Variants in TAP2 observed in about 807,000 individuals in gnomAD.
TAP2 encodes antigen peptide transporter 2.
Under a neutral mutation model 74.7 loss-of-function variants are expected in TAP2, and 49 were observed. The observed-to-expected ratio is 0.66, with a 90% confidence interval of 0.52 to 0.83. The LOEUF is 0.83. Ranked by LOEUF, TAP2 falls within the 40% of genes least tolerant of loss-of-function variation. The pLI is 0.00. For missense variants in TAP2, 739 were observed against 859.0 expected (o/e 0.86, Z 1.75); for synonymous variants, 306 against 368.4 (o/e 0.83, Z 1.94).
intron 11 of TAP2, 46 bp from the exon 12 acceptor site, chr6:32,829,080 A>C (rs1562323659): frequency 6.6e-7 from 1 of 1,526,582 alleles, no homozygotes; most frequent in Admixed American, 2.0e-5. Context: ...AATGAGATGG[A>C]CACCACATCC....
intron 9 of TAP2, 29 bp downstream of exon 9, chr6:32,830,238 T>C: frequency 1.2e-6 from 2 of 1,612,934 alleles, no homozygotes; most frequent in Non-Finnish European, 1.7e-6. Context: ...TCCCCTCTCC[T>C]GTCCCCTGTC....
At chr6:32,822,680 G>A (rs1265127689), downstream of TAP2, among the ~76,000 whole-genome samples, 1 of 151,698 alleles carries the variant, frequency 6.6e-6, no homozygotes, top group East Asian at 1.9e-4. Context: ...CCACAGGCAC[G>A]AGCCACCACA....
chr6:32,832,786 C>T lies in TAP2; in HGVS notation c.984G>A (p.Ala328=), dbSNP rs779202764. Residue 328 remains alanine (A), a synonymous_variant, in exon 6 of 12, where the codon GCG becomes GCA. Transcript: ENST00000374897. The surrounding 1 kb of genome is among the most constrained non-coding windows in gnomAD (Gnocchi z 5.9). ...CAACGGCTTCCCGCACCACCTGCCC[C>T]GCCCTGGCCACTGCATCCTGGATCT... ...LREIQDAVAR[A]GQVVREAVGG... 1.3e-5 allele frequency: 21 copies of T among 1,612,868 alleles called. 1 individual carries two copies. In the South Asian group the frequency reaches 1.4e-4, roughly 11 times the overall value.
chr6:32,826,064 T>A lies in TAP2; in HGVS notation c.*2842A>T. On this transcript the variant is annotated 3_prime_UTR_variant, in exon 12 of 12. Transcript: ENST00000374897. ...TTTCTTCTGGGACCATTAGATGGCATCAGACTCAAGCAGGTGCTCCTCTAG... is the reference window on the plus strand; with the variant it reads ...TTTCTTCTGGGACCATTAGATGGCAACAGACTCAAGCAGGTGCTCCTCTAG... The A allele has an allele frequency of 1.0e-6, 1 of 985,438 alleles. No individual in the cohort carries two copies. Among genetic ancestry groups the A allele is most frequent in the African/African-American group, 1.7e-5 (1 of 57,348 alleles). 61.0% of individuals were successfully genotyped at this position (985,438 alleles called of 1,614,324 possible). A position where few individuals can be genotyped will look rare whatever the true frequency, so the allele number is the denominator to read the frequency against.
intron 5 of TAP2, among the ~76,000 whole-genome samples, chr6:32,833,761 C>T (rs1429537926): frequency 6.6e-6 from 1 of 152,182 alleles, no homozygotes; most frequent in African/African-American, 2.4e-5. Context: ...TGTCCCTACC[C>T]ATATCTGATC....
rs140734629 is a variant in TAP2 at position 32,827,346 on chromosome 6, C to CTTTT, written c.*1559_*1560insAAAA. 2,307 of 984,550 alleles carry CTTTT rather than the reference C, an allele frequency of 2.3e-3. 22 individuals carry two copies. The African/African-American group carries it at 0.032, about 14-fold the overall frequency. The allele number at this position is 984,550 out of a possible 1,614,324, so 61.0% of individuals were successfully genotyped here. A position where few individuals can be genotyped will look rare whatever the true frequency, so the allele number is the denominator to read the frequency against. ...GATATTTATTCATTTATTCAATTGA[C>CTTTT]TATTTATTCTCCACTATGAATTAGG... On this transcript the variant is annotated 3_prime_UTR_variant, in exon 12 of 12. Transcript: ENST00000374897.
intron 5 of TAP2, among the ~76,000 whole-genome samples, chr6:32,833,085 T>G (rs1049026023): frequency 6.6e-6 from 1 of 152,136 alleles, no homozygotes; most frequent in Non-Finnish European, 1.5e-5. Flanking sequence ...CCATCCCCAG[T>G]GTCTGAATCA....
intron 1 of TAP2, 146 bp from the exon 2 acceptor site, chr6:32,838,383 G>T: frequency 8.6e-7 from 1 of 1,160,154 alleles, no homozygotes; most frequent in South Asian, 2.1e-5. Flanking sequence ...AGTAACCGGT[G>T]CTCATCCGTA....
chr6:32,836,524 T>C (rs150328964), intron 3 of TAP2, among the ~76,000 whole-genome samples: 276 of 152,354 alleles, frequency 1.8e-3, no homozygotes, highest in Middle Eastern at 0.014. Context: ...GGTTTCATCG[T>C]TGTATGAACA....
chr6:32,836,034 G>C (rs1226128809), intron 3 of TAP2, among the ~76,000 whole-genome samples: 1 of 152,162 alleles, frequency 6.6e-6, no homozygotes, highest in Non-Finnish European at 1.5e-5. Context: ...AGTATTTATG[G>C]AGTGCACTCT....
downstream of TAP2, among the ~76,000 whole-genome samples, chr6:32,822,917 CTTTT>C (rs3041453): frequency 5.5e-5 from 6 of 109,984 alleles, no homozygotes; most frequent in Admixed American, 2.0e-4. Context: ...TGTGTTCATA[CTTTT>C]TTTTTTTTTT....
chr6:32,837,885 C>T lies in TAP2; in HGVS notation c.349G>A (p.Ala117Thr), dbSNP rs139588238. 1.9e-6 allele frequency: 3 copies of T among 1,612,998 alleles called. No homozygotes were observed. In the African/African-American group the frequency reaches 4.0e-5, roughly 22 times the overall value. Residue 117 changes from alanine (A) to threonine (T), a missense_variant, in exon 2 of 12, where the codon GCT (alanine) becomes ACT (threonine). By Grantham distance (58) the Ala-to-Thr change is moderately conservative (BLOSUM62 0). Coordinates refer to ENST00000374897, the MANE Select transcript of TAP2 (RefSeq NM_001290043.2). ...GAAGLSWSLW[A>T]VLSPPGAQEK... ...TGGGCTCCAGGAGGGCTCAGAACAG[C>T]CCACAGTGACCAGCTGAGCCCCGCA... is the stretch of plus-strand genomic sequence containing the variant.
chr6:32,831,245 A>G (rs1320178900), intron 7 of TAP2, among the ~76,000 whole-genome samples: 3 of 152,250 alleles, frequency 2.0e-5, no homozygotes, highest in African/African-American at 7.2e-5. Flanking sequence ...TGGATGAAGT[A>G]GCTGTTTTTG....
Position 32,828,824 on chromosome 6 carries a change from CCT to C in TAP2, c.*80_*81del. ...AACAGCTCTGGGTCCTGGAGACGCC[CCT>C]GAGAAGAGGGCCCAGTATCCCTGGG... is the stretch of plus-strand genomic sequence containing the variant. On this transcript the variant is annotated 3_prime_UTR_variant, in exon 12 of 12. Transcript: ENST00000374897. 2 of 1,497,276 alleles carry C rather than the reference CCT, an allele frequency of 1.3e-6. No homozygotes were observed. Among genetic ancestry groups the C allele is most frequent in the Non-Finnish European group, 1.8e-6 (2 of 1,117,118 alleles). 92.7% of individuals were successfully genotyped at this position (1,497,276 alleles called of 1,614,324 possible).
Position 32,835,694 on chromosome 6 carries a change from A to G in TAP2, c.688T>C (p.Phe230Leu). 1 of 1,613,100 alleles carries G rather than the reference A, an allele frequency of 6.2e-7. No individual in the cohort carries two copies. Among genetic ancestry groups the G allele is most frequent in the Non-Finnish European group, 8.5e-7 (1 of 1,180,028 alleles). Residue 230 changes from phenylalanine (F) to leucine (L), a missense_variant, in exon 4 of 12, where the codon TTC (phenylalanine) becomes CTC (leucine). Coordinates refer to ENST00000374897, the MANE Select transcript of TAP2 (RefSeq NM_001290043.2). This position sits in a 1 kb window ranked among gnomAD's most constrained non-coding sequence, Gnocchi z 4.0. Reference sequence around the variant, plus strand: ...AGGTCCTGGCGCAGCAGGGAGGAGAAAAGCTGCTCCCGGATCCGCAAGTTG... The same window carrying G: ...AGGTCCTGGCGCAGCAGGGAGGAGAGAAGCTGCTCCCGGATCCGCAAGTTG... ...RINLRIREQLFSSLLRQDLGF... is the reference protein window; with the variant it reads ...RINLRIREQLLSSLLRQDLGF...
chr6:32,832,129 T>C lies in TAP2; in HGVS notation c.1272+204A>G, dbSNP rs529273561. On this transcript the variant is annotated intron_variant, in intron 7 of 11. Transcript: ENST00000374897. The surrounding 1 kb of genome is among the most constrained non-coding windows in gnomAD (Gnocchi z 5.9). Reference sequence around the variant, plus strand: ...AAGATTGGGCATGAGTTGATCATTGTTAAAGCACAGGATGTATACATGTGA... The same window carrying C: ...AAGATTGGGCATGAGTTGATCATTGCTAAAGCACAGGATGTATACATGTGA... Among the ~76,000 whole-genome samples, 5 of 152,352 alleles carry C rather than the reference T, an allele frequency of 3.3e-5. No individual in the cohort carries two copies. Among genetic ancestry groups the C allele is most frequent in the Admixed American group, 3.3e-4 (5 of 15,304 alleles).
intron 3 of TAP2, among the ~76,000 whole-genome samples, chr6:32,836,560 A>G (rs1769432629): frequency 6.6e-6 from 1 of 152,244 alleles, no homozygotes; most frequent in Admixed American, 6.5e-5. Flanking sequence ...ACACAAACCT[A>G]GATGTCATAG....
At position 32,835,068 on chromosome 6, in the gene TAP2, T is replaced by C. The variant is rs1352748494; in HGVS notation, c.945+86A>G. On this transcript the variant is annotated intron_variant, in intron 5 of 11. Coordinates refer to ENST00000374897, the MANE Select transcript of TAP2 (RefSeq NM_001290043.2). This position sits in a 1 kb window ranked among gnomAD's most constrained non-coding sequence, Gnocchi z 4.0. ...TGGCTGAGAAGAGAACATCTCTCTC[T>C]AGGGGATCCTCTAGCCACAAATGTG... The C allele has an allele frequency of 3.6e-6, 5 of 1,388,982 alleles. No individual in the cohort carries two copies. Among genetic ancestry groups the C allele is most frequent in the Non-Finnish European group, 3.0e-6 (3 of 987,782 alleles). 86.0% of individuals were successfully genotyped at this position (1,388,982 alleles called of 1,614,324 possible).
downstream of TAP2, chr6:32,822,379 G>A: frequency 9.2e-7 from 1 of 1,086,256 alleles, no homozygotes; most frequent in Non-Finnish European, 1.3e-6. Flanking sequence ...ATCTGTGCTA[G>A]AATCTGTTTG....
Sources: gnomAD v4.1 joint callset for allele counts (sites outside exome capture counted in the v4.1 genomes callset) on GRCh38, gnomAD v4.1.1 for gene constraint, Gnocchi (gnomAD v3.1) non-coding constraint, MANE v1.5 for transcripts, NCBI Gene and HGNC (gene_info 2026-07-23, HGNC 2026-07-21) for gene names.